PPP2R5A: variants seen among roughly 807,000 people sequenced by gnomAD.
The protein encoded by PPP2R5A is protein phosphatase 2 regulatory subunit B'alpha.
Under a neutral mutation model 64.2 loss-of-function variants are expected in PPP2R5A, and 25 were observed. The ratio of observed to expected loss-of-function variants is 0.39; its 90% CI spans 0.28 to 0.54. The LOEUF is 0.54. PPP2R5A is among the 20% of genes least tolerant of loss of function. PPP2R5A has a pLI of 0.67. For synonymous variants in PPP2R5A, 198 were observed against 201.2 expected (o/e 0.98, Z 0.13); for missense variants, 425 against 576.3 (o/e 0.74, Z 2.69).
chr1:212,294,206 A>G (rs748388510), intron 1 of PPP2R5A, among the ~76,000 whole-genome samples: 12 of 152,202 alleles, frequency 7.9e-5, no homozygotes, highest in Non-Finnish European at 1.6e-4. Context: ...AGGATATTCC[A>G]TAATTACAGC....
chr1:212,323,947 C>T (rs978964232), intron 1 of PPP2R5A, among the ~76,000 whole-genome samples: 31 of 152,036 alleles, frequency 2.0e-4, no homozygotes, highest in African/African-American at 7.5e-4. Context: ...TGGTGAGTGC[C>T]TGTAATCCCA....
chr1:212,354,608 T>C (rs1162453751), intron 8 of PPP2R5A, among the ~76,000 whole-genome samples: 2 of 151,812 alleles, frequency 1.3e-5, no homozygotes, highest in African/African-American at 4.8e-5. Context: ...CATTTAAGCC[T>C]AGGAGTTCAA....
In PPP2R5A at chr1:212,320,708, G is replaced by A. The variant is rs1287237645; in HGVS notation, c.182-8427G>A. On this transcript the variant is annotated intron_variant, in intron 1 of 12. Transcript: ENST00000261461. ...GGCTGACCCCCCCACCTCCCTCCCG[G>A]ATGGGGCGGCTGGCCGGGCAGAGGG... 6.7e-4 allele frequency among the ~76,000 whole-genome samples: 90 copies of A among 134,120 alleles called. 1 individual carries two copies. The highest frequency in any genetic ancestry group is 2.3e-3 in the African/African-American group (87 of 37,682). 88.0% of individuals were successfully genotyped at this position (134,120 alleles called of 152,430 possible). A position where few individuals can be genotyped will look rare whatever the true frequency, so the allele number is the denominator to read the frequency against.
intron 1 of PPP2R5A, among the ~76,000 whole-genome samples, chr1:212,315,244 A>G (rs1328800924): frequency 6.6e-6 from 1 of 152,202 alleles, no homozygotes; most frequent in Admixed American, 6.5e-5. Context: ...TGTATTATGT[A>G]TGATTTTTAA....
At chr1:212,357,975 ATTTTTT>A (rs999599705) in intron 11 of PPP2R5A, 4 of 151,804 alleles carry the variant, frequency 2.6e-5, no homozygotes, top group African/African-American at 9.7e-5. Flanking sequence ...TTTTATTTTT[ATTTTTT>A]TTGGACAGTT....
At chr1:212,301,096 C>T (rs1446625704) in intron 1 of PPP2R5A, among the ~76,000 whole-genome samples, 1 of 152,220 alleles carries the variant, frequency 6.6e-6, no homozygotes, top group Non-Finnish European at 1.5e-5. Context: ...ACTGCAACTT[C>T]TGCCTCCTGG....
intron 7 of PPP2R5A, 135 bp downstream of exon 7, chr1:212,348,632 A>C (rs1412198425): frequency 2.0e-5 from 13 of 636,186 alleles, no homozygotes; most frequent in Non-Finnish European, 3.1e-5. Flanking sequence ...CCCAAAGCAA[A>C]TTTTTCTTAT....
At position 212,357,144 on chromosome 1, in the gene PPP2R5A, T is replaced by A. The variant is rs765027285; in HGVS notation, c.1099-13T>A. 6.3e-6 allele frequency: 10 copies of A among 1,580,172 alleles called. No homozygotes were observed. The East Asian group carries it at 2.3e-4, about 36-fold the overall frequency. On this transcript the variant is annotated splice_polypyrimidine_tract_variant and intron_variant, in intron 10 of 12. Coordinates refer to ENST00000261461, the MANE Select transcript of PPP2R5A (RefSeq NM_006243.4). ...ATTTTAGTTTTGACATTTCTCTAAA[T>A]GTCTTTTTTTAGGTTGCAGAAAGGG...
In PPP2R5A at chr1:212,333,530, A is replaced by C; in HGVS notation, c.412A>C (p.Ser138Arg). 1 of 1,601,032 alleles carries C rather than the reference A, an allele frequency of 6.2e-7. No homozygotes were observed. Among genetic ancestry groups the C allele is most frequent in the South Asian group, 1.1e-5 (1 of 89,360 alleles). ...SANIFRTLPP[S>R]DNPDFDPEED... The stretch of plus-strand genomic sequence containing the variant: ...TAACATCTTCCGTACACTTCCTCCA[A>C]GTGATAATCCAGATTTTGATCCAGA... Residue 138 changes from serine (S) to arginine (R), a missense_variant, in exon 3 of 13, where the codon AGT becomes CGT. Physicochemically the swap from Ser to Arg is moderately radical, Grantham distance 110. Coordinates refer to ENST00000261461, the MANE Select transcript of PPP2R5A (RefSeq NM_006243.4).
chr1:212,360,505 G>C (rs1660060679), intron 12 of PPP2R5A, 133 bp from the exon 13 acceptor site: 1 of 723,800 alleles, frequency 1.4e-6, no homozygotes, highest in Admixed American at 3.5e-5. Context: ...CAGGTAAGTG[G>C]ACTCCAAAGC....
chr1:212,320,943 C>CA (rs1291230177), intron 1 of PPP2R5A, among the ~76,000 whole-genome samples: 1 of 77,376 alleles, frequency 1.3e-5, no homozygotes, highest in Non-Finnish European at 3.0e-5. Context: ...GGGGGGCTGA[C>CA]CCCCCCGCCT....
chr1:212,302,035 T>A, intron 1 of PPP2R5A: 1 of 1,522,626 alleles, frequency 6.6e-7, no homozygotes, highest in Non-Finnish European at 8.8e-7. Context: ...CCTCAGAAGT[T>A]TAGTTTATCA....
At chr1:212,315,169 G>A (rs1659122553) in intron 1 of PPP2R5A, among the ~76,000 whole-genome samples, 1 of 152,176 alleles carries the variant, frequency 6.6e-6, no homozygotes, top group African/African-American at 2.4e-5. Flanking sequence ...ATGGGGAATA[G>A]TTTCTCATCC....
intron 1 of PPP2R5A, among the ~76,000 whole-genome samples, chr1:212,310,542 G>C (rs1459995063): frequency 6.6e-6 from 1 of 152,176 alleles, no homozygotes; most frequent in African/African-American, 2.4e-5. Context: ...GGGGCTCAGA[G>C]CTGGGAGTGG....
intron 8 of PPP2R5A, among the ~76,000 whole-genome samples, chr1:212,355,319 A>C (rs971146607): frequency 6.6e-6 from 1 of 152,144 alleles, no homozygotes; most frequent in African/African-American, 2.4e-5. Context: ...ATAAATATAC[A>C]GTTACACAAA....
chr1:212,318,398 C>T (rs1659200115), intron 1 of PPP2R5A, among the ~76,000 whole-genome samples: 1 of 151,834 alleles, frequency 6.6e-6, no homozygotes, highest in African/African-American at 2.4e-5. Context: ...TAGAAGAATG[C>T]TGCTTTTAAA....
intron 1 of PPP2R5A, chr1:212,299,567 A>T (rs1286168754): frequency 6.6e-6 from 1 of 152,212 alleles, no homozygotes; most frequent in Non-Finnish European, 1.5e-5. Flanking sequence ...AGGATAACAG[A>T]GACTGGGATA....
chr1:212,307,502 A>G (rs1647989457), intron 1 of PPP2R5A, among the ~76,000 whole-genome samples: 1 of 152,160 alleles, frequency 6.6e-6, no homozygotes, highest in South Asian at 2.1e-4. Flanking sequence ...TTAATGCAGC[A>G]CAACTTTCCT....
In PPP2R5A at chr1:212,353,336, T is replaced by C. The variant is rs552327323; in HGVS notation, c.928-3290T>C. Among the ~76,000 whole-genome samples the C allele has an allele frequency of 5.5e-4, 84 of 152,310 alleles. 1 individual carries two copies. The South Asian group carries it at 7.3e-3, about 13-fold the overall frequency. On this transcript the variant is annotated intron_variant, in intron 8 of 12. Coordinates refer to ENST00000261461, the MANE Select transcript of PPP2R5A (RefSeq NM_006243.4). ...ATCTTACTCATGAAGTGACATTCTT[T>C]CACTTTTGCCACAGTCTGTTCGTTA...
Sources: allele counts gnomAD v4.1 joint callset (sites outside exome capture counted in the v4.1 genomes callset), GRCh38; gene constraint gnomAD v4.1.1; transcripts MANE v1.5; gene names NCBI Gene and HGNC (gene_info 2026-07-23, HGNC 2026-07-21).